NEDD9: variants seen among roughly 807,000 people sequenced by gnomAD.
NEDD9 encodes the protein neural precursor cell expressed, developmentally down-regulated 9.
A neutral mutation model predicts 76.6 loss-of-function variants in NEDD9; 26 were observed. That is an observed-to-expected ratio of 0.34 (90% CI 0.25 to 0.47). The LOEUF (loss-of-function observed/expected upper bound fraction) is 0.47. Ranked by LOEUF, NEDD9 falls within the 20% of genes least tolerant of loss-of-function variation. The pLI, the probability that NEDD9 is intolerant of heterozygous loss-of-function variation, is 1.00. For missense variants in NEDD9, 937 were observed against 1,058.5 expected, an observed-to-expected ratio of 0.89 and a Z score of 1.59; for synonymous variants, 392 against 414.2, an observed-to-expected ratio of 0.95 and a Z score of 0.65.
At chr6:11,346,960 A>G (rs1017017927) in intron 1 of NEDD9, among the ~76,000 whole-genome samples, 2 of 151,968 alleles carry the variant, frequency 1.3e-5, no homozygotes, top group South Asian at 2.1e-4. Context: ...CTCCATTTCT[A>G]TGCTCCAACC....
chr6:11,301,681 C>T (rs978908018), intron 3 of NEDD9, among the ~76,000 whole-genome samples: 1 of 152,182 alleles, frequency 6.6e-6, no homozygotes, highest in African/African-American at 2.4e-5. Context: ...GACTACAGTG[C>T]AATCAAATTA....
At chr6:11,341,114 T>G (rs1291080686) in intron 1 of NEDD9, among the ~76,000 whole-genome samples, 1 of 152,224 alleles carries the variant, frequency 6.6e-6, no homozygotes, top group Admixed American at 6.5e-5. Flanking sequence ...GAAGGGACAC[T>G]TCTCAGGCTA....
At chr6:11,240,064 GA>G (rs1759682917) in intron 3 of NEDD9, among the ~76,000 whole-genome samples, 1 of 135,306 alleles carries the variant, frequency 7.4e-6, no homozygotes, top group Non-Finnish European at 1.6e-5. Context: ...AAAAAAAAAA[GA>G]AATTTGTTTC....
In NEDD9 at chr6:11,192,278, C is replaced by T; in HGVS notation, c.663+67G>A. ...TGAACTACTTACCCACCCTCCCAAC[C>T]CTGCACCCCCCGACACACAGACACA... On this transcript the variant is annotated intron_variant, in intron 4 of 6. Transcript: ENST00000379446. 9.2e-6 allele frequency: 3 copies of T among 327,820 alleles called. 1 individual carries two copies. Among genetic ancestry groups the T allele is most frequent in the Non-Finnish European group, 1.0e-5 (2 of 192,352 alleles). The allele number at this position is 327,820 out of a possible 1,614,324, so 20.3% of individuals were successfully genotyped here.
At chr6:11,204,988 T>G (rs1241771652) in intron 2 of NEDD9, among the ~76,000 whole-genome samples, 2 of 152,142 alleles carry the variant, frequency 1.3e-5, no homozygotes, top group Non-Finnish European at 2.9e-5. Context: ...GCAGCAACTT[T>G]AATTCTTCCT....
chr6:11,367,707 A>G (rs1351893418), intron 1 of NEDD9, among the ~76,000 whole-genome samples: 1 of 152,208 alleles, frequency 6.6e-6, no homozygotes, highest in Non-Finnish European at 1.5e-5. Flanking sequence ...AAGTTTTGTA[A>G]TGGTTCCTGT....
chr6:11,305,292 A>G, intron 3 of NEDD9: 1 of 465,266 alleles, frequency 2.1e-6, no homozygotes, highest in East Asian at 7.2e-5. Flanking sequence ...CATTTTATAA[A>G]CACAGAAACA....
At chr6:11,332,893 A>G (rs1883237) in intron 2 of NEDD9, among the ~76,000 whole-genome samples, 107,718 of 152,114 alleles carry the variant, frequency 0.71, 39,035 homozygotes, top group African/African-American at 0.86. Flanking sequence ...CTCTTCAGCA[A>G]AATAAATGCT....
Position 11,232,666 on chromosome 6 carries a change from T to G in NEDD9, c.-151A>C, listed in dbSNP as rs1432593010. The G allele has an allele frequency of 6.5e-7, 1 of 1,527,232 alleles. No homozygotes were observed. The highest frequency in any genetic ancestry group is 8.8e-7 in the Non-Finnish European group (1 of 1,140,648). 94.6% of individuals were successfully genotyped at this position (1,527,232 alleles called of 1,614,324 possible). On this transcript the variant is annotated 5_prime_UTR_variant, in exon 1 of 7. Transcript: ENST00000379446. The stretch of plus-strand genomic sequence containing the variant: ...TCAGTCGCAGCGCCTCCCTCAAGTC[T>G]CTGAGCTCACTGTTGTGACTGAGGC...
chr6:11,343,257 G>A (rs1008567876), intron 1 of NEDD9, among the ~76,000 whole-genome samples: 3 of 151,984 alleles, frequency 2.0e-5, no homozygotes, highest in African/African-American at 4.8e-5. Context: ...GTGAAACCCC[G>A]TTTCTACTAA....
chr6:11,345,599 G>C (rs1015230601), intron 1 of NEDD9, among the ~76,000 whole-genome samples: 1 of 152,060 alleles, frequency 6.6e-6, no homozygotes, highest in South Asian at 2.1e-4. Context: ...CACTTCCAGG[G>C]GAACCTTAGA....
At position 11,369,518 on chromosome 6, in the gene NEDD9, T is replaced by C. The variant is rs570690197; in HGVS notation, c.-214+12621A>G. ...GCATGCATGAGTGATTGTGCACGTG[T>C]ACACACACAGAGTTTTTAAAATTTG... On this transcript the variant is annotated intron_variant, in intron 1 of 3. Transcript: ENST00000397378. Among the ~76,000 whole-genome samples, 13 of 152,332 alleles carry C rather than the reference T, an allele frequency of 8.5e-5. No individual in the cohort carries two copies. The South Asian group carries it at 2.7e-3, about 32-fold the overall frequency.
chr6:11,205,376 G>A (rs1581954796), intron 2 of NEDD9, among the ~76,000 whole-genome samples: 1 of 152,314 alleles, frequency 6.6e-6, no homozygotes, highest in East Asian at 1.9e-4. Flanking sequence ...ACGGAAGCAT[G>A]GGGTAATGAC....
rs772132743 is a variant in NEDD9, at chr6:11,190,578, C to A, written c.1291G>T (p.Val431Phe). 19 of 1,614,196 alleles carry A rather than the reference C, an allele frequency of 1.2e-5. No homozygotes were observed. The South Asian group carries it at 2.0e-4, about 17-fold the overall frequency. The stretch of plus-strand genomic sequence containing the variant: ...CCGTAACACCGCCAGTCGGTAGTGA[C>A]CAGTGCCATTAGGCTGGAGACACCC... ...EMGVSSLMAL[V>F]TTDWRCYGYM... is the part of the protein sequence containing the mutation. Residue 431 changes from valine to phenylalanine, a missense_variant, in exon 5 of 7, where the codon GTC (valine) becomes TTC (phenylalanine). Transcript: ENST00000379446. The surrounding 1 kb of genome is among the most constrained non-coding windows in gnomAD (Gnocchi z 5.8).
chr6:11,226,695 C>T (rs1011533965), intron 1 of NEDD9, among the ~76,000 whole-genome samples: 4 of 152,128 alleles, frequency 2.6e-5, no homozygotes, highest in Non-Finnish European at 5.9e-5. Context: ...GTAAACAATT[C>T]TAGTGAATGT....
intron 1 of NEDD9, among the ~76,000 whole-genome samples, chr6:11,337,977 A>G (rs1282312572): frequency 6.6e-6 from 1 of 152,178 alleles, no homozygotes; most frequent in Non-Finnish European, 1.5e-5. Context: ...ACACATAGCA[A>G]AAACCTCCCC....
chr6:11,189,032 C>T (rs1051481492), intron 5 of NEDD9, among the ~76,000 whole-genome samples: 6 of 151,722 alleles, frequency 4.0e-5, no homozygotes, highest in East Asian at 1.9e-4. Flanking sequence ...CTGCAACCTC[C>T]GCCTCCCAGG....
In NEDD9 at chr6:11,252,774, G is replaced by A. The variant is rs1759936770; in HGVS notation, c.13-39047C>T. Among the ~76,000 whole-genome samples, 1 of 152,150 alleles carries A rather than the reference G, an allele frequency of 6.6e-6. No individual in the cohort carries two copies. The highest frequency in any genetic ancestry group is 2.4e-5 in the African/African-American group (1 of 41,452). On this transcript the variant is annotated intron_variant, in intron 3 of 3. Coordinates refer to the NEDD9 transcript ENST00000397378. This position sits in a 1 kb window ranked among gnomAD's most constrained non-coding sequence, Gnocchi z 4.3. Reference sequence around the variant, plus strand: ...TGTCTCTTAAATATAGGGTTTGTTTGTGAGTAAATTGGTTGTATGCCCCAG... The same window carrying A: ...TGTCTCTTAAATATAGGGTTTGTTTATGAGTAAATTGGTTGTATGCCCCAG...
intron 3 of NEDD9, among the ~76,000 whole-genome samples, chr6:11,248,229 A>T (rs1017199844): frequency 2.6e-5 from 4 of 152,152 alleles, no homozygotes; most frequent in African/African-American, 9.7e-5. Context: ...AGAAGGAAAA[A>T]AAAAAGAAAG....
Sources: gnomAD v4.1 joint callset for allele counts (sites outside exome capture counted in the v4.1 genomes callset) on GRCh38, gnomAD v4.1.1 for gene constraint, Gnocchi (gnomAD v3.1) non-coding constraint, MANE v1.5 for transcripts, NCBI Gene and HGNC (gene_info 2026-07-23, HGNC 2026-07-21) for gene names.